The following COL24A1 variants were observed in gnomAD, a reference collection of about 807,000 sequenced individuals.
COL24A1 encodes collagen type XXIV alpha 1 chain.
COL24A1 carries 224 observed loss-of-function variants against 253.9 expected under a neutral mutation model. The ratio of observed to expected loss-of-function variants is 0.88; its 90% CI spans 0.79 to 0.99. The LOEUF is 0.99. Among genes scored for constraint, COL24A1 ranks in the 50% least tolerant of loss-of-function variants. The pLI is 0.00. For missense variants in COL24A1, 2,131 were observed against 2,068.5 expected (o/e 1.03, Z -0.59); for synonymous variants, 685 against 673.7 (o/e 1.02, Z -0.26).
chr1:85,966,494 C>T (rs1691585725), intron 22 of COL24A1, among the ~76,000 whole-genome samples: 1 of 152,050 alleles, frequency 6.6e-6, no homozygotes, highest in South Asian at 2.1e-4. Flanking sequence ...GGTGGATGAC[C>T]TCATTTAGCC....
At position 85,935,084 on chromosome 1, in the gene COL24A1, C is replaced by T. The variant is rs932702617; in HGVS notation, c.2563-23651G>A. Reference sequence around the variant, plus strand: ...AAAATGGTCTATAAAAACTTTAAAACTCTCTCCTAATATTTTTTAAAGTAA... The same window carrying T: ...AAAATGGTCTATAAAAACTTTAAAATTCTCTCCTAATATTTTTTAAAGTAA... On this transcript the variant is annotated intron_variant, in intron 24 of 59. Coordinates refer to ENST00000370571, the MANE Select transcript of COL24A1 (RefSeq NM_152890.7). 2.6e-5 allele frequency among the ~76,000 whole-genome samples: 4 copies of T among 152,108 alleles called. 1 individual carries two copies. The South Asian group carries it at 8.3e-4, about 32-fold the overall frequency.
intron 31 of COL24A1, among the ~76,000 whole-genome samples, chr1:85,889,945 AT>A (rs948796291): frequency 1.6e-4 from 24 of 151,512 alleles, no homozygotes; most frequent in Non-Finnish European, 2.9e-5. Context: ...CCACCATTCT[AT>A]TTTCTGTCTC....
intron 47 of COL24A1, among the ~76,000 whole-genome samples, chr1:85,790,858 TATA>T (rs748077031): frequency 1.9e-4 from 29 of 152,274 alleles, no homozygotes; most frequent in Non-Finnish European, 3.4e-4. Flanking sequence ...AGGCACATAA[TATA>T]ATATTTCTAC....
intron 7 of COL24A1, among the ~76,000 whole-genome samples, chr1:86,069,409 T>C (rs548656686): frequency 2.0e-5 from 3 of 152,268 alleles, no homozygotes. Flanking sequence ...GGACTCTGTA[T>C]TATGGTTTGA....
At chr1:86,021,894 T>C (rs628440) in intron 18 of COL24A1, among the ~76,000 whole-genome samples, 1,571 of 152,262 alleles carry the variant, frequency 0.01, 39 homozygotes, top group African/African-American at 0.035. Context: ...CTTAATAAAA[T>C]TGATATTTTG....
intron 12 of COL24A1, among the ~76,000 whole-genome samples, chr1:86,046,325 T>C (rs1699898529): frequency 6.6e-6 from 1 of 152,180 alleles, no homozygotes; most frequent in Non-Finnish European, 1.5e-5. Context: ...GATGTCACAA[T>C]TTCCTCCCAT....
At chr1:85,873,223 C>A (rs968215981) in intron 35 of COL24A1, among the ~76,000 whole-genome samples, 2 of 152,290 alleles carry the variant, frequency 1.3e-5, no homozygotes, top group South Asian at 2.1e-4. Flanking sequence ...AATAGGAACA[C>A]TTTTACACTG....
At chr1:85,934,371 C>G (rs905412398) in intron 24 of COL24A1, among the ~76,000 whole-genome samples, 1 of 152,012 alleles carries the variant, frequency 6.6e-6, no homozygotes, top group Non-Finnish European at 1.5e-5. Context: ...CTATTCTTGG[C>G]TTGATTTGAT....
intron 6 of COL24A1, among the ~76,000 whole-genome samples, chr1:86,091,668 A>G (rs764103257): frequency 5.3e-5 from 8 of 152,130 alleles, no homozygotes; most frequent in Non-Finnish European, 1.0e-4. Context: ...AGTTTTTACT[A>G]AAATATGTAT....
chr1:86,132,701 C>G (rs1214052131), intron 2 of COL24A1, among the ~76,000 whole-genome samples: 1 of 152,100 alleles, frequency 6.6e-6, no homozygotes, highest in Non-Finnish European at 1.5e-5. Context: ...TGTCTGAGGG[C>G]TCTGTTCTGT....
At chr1:85,987,719 A>C in intron 19 of COL24A1, 65 bp from the exon 20 acceptor site, 1 of 1,424,192 alleles carries the variant, frequency 7.0e-7, no homozygotes, top group Non-Finnish European at 9.7e-7. Flanking sequence ...TTAGCATATA[A>C]AATTCCCTTT....
chr1:86,077,911 A>G (rs542526787), intron 7 of COL24A1, among the ~76,000 whole-genome samples: 1 of 152,298 alleles, frequency 6.6e-6, no homozygotes, highest in South Asian at 2.1e-4. Flanking sequence ...GGTGCAAACC[A>G]CTATGGCACG....
intron 53 of COL24A1, among the ~76,000 whole-genome samples, chr1:85,767,704 C>A (rs528916887): frequency 9.9e-4 from 150 of 152,054 alleles, no homozygotes; most frequent in African/African-American, 3.4e-3. Context: ...GCCTATTTCC[C>A]ATCTCCCTTG....
chr1:85,816,749 A>G, intron 47 of COL24A1, 39 bp downstream of exon 47: 1 of 1,523,692 alleles, frequency 6.6e-7, no homozygotes, highest in Non-Finnish European at 9.1e-7. Flanking sequence ...AGACACATGC[A>G]TAGGAAATAA....
intron 55 of COL24A1, among the ~76,000 whole-genome samples, chr1:85,754,759 TTATTGAGA>T (rs1215207031): frequency 1.3e-5 from 2 of 151,890 alleles, no homozygotes; most frequent in African/African-American, 4.8e-5. Flanking sequence ...GAAGACAGGT[TTATTGAGA>T]TTATCCTGTT....
intron 27 of COL24A1, among the ~76,000 whole-genome samples, chr1:85,908,026 A>G (rs1012467904): frequency 2.6e-5 from 4 of 151,828 alleles, no homozygotes; most frequent in African/African-American, 4.8e-5. Context: ...ACAAATAATA[A>G]AAGTCTTCAC....
At chr1:85,763,737 C>G (rs113033914) in intron 53 of COL24A1, among the ~76,000 whole-genome samples, 1,598 of 151,994 alleles carry the variant, frequency 0.011, 25 homozygotes, top group African/African-American at 0.037. Context: ...TCAAGTGATC[C>G]ACCTGCGTTG....
intron 19 of COL24A1, among the ~76,000 whole-genome samples, chr1:85,990,897 T>C (rs112365577): frequency 2.0e-5 from 3 of 152,324 alleles, no homozygotes; most frequent in African/African-American, 7.2e-5. Context: ...AATCAAGAAT[T>C]TGTTCTGCCT....
At chr1:85,853,630 T>C (rs1225053761) in intron 37 of COL24A1, among the ~76,000 whole-genome samples, 1 of 152,108 alleles carries the variant, frequency 6.6e-6, no homozygotes, top group African/African-American at 2.4e-5. Context: ...TTCACCAGCA[T>C]GTTATTTTTT....
Sources: allele counts gnomAD v4.1 joint callset (sites outside exome capture counted in the v4.1 genomes callset), GRCh38; gene constraint gnomAD v4.1.1; transcripts MANE v1.5; gene names NCBI Gene and HGNC (gene_info 2026-07-23, HGNC 2026-07-21).